The following SCGB2B2 variants were observed in gnomAD, a reference collection of about 807,000 sequenced individuals.
SCGB2B2 encodes secretoglobin family 2B member 2, also known as secretoglobin-like protein.
Under a neutral mutation model 7.6 loss-of-function variants are expected in SCGB2B2, and 11 were observed. The observed-to-expected ratio is 1.45, with a 90% CI of 0.91 to 2.40. The LOEUF (loss-of-function observed/expected upper bound fraction) is 2.40. Ranked by LOEUF, SCGB2B2 falls within the 30% of genes most tolerant of loss-of-function variation. The probability of loss-of-function intolerance (pLI) is 0.00; values close to 1 mark genes in which losing one functional copy is unlikely to be tolerated. For synonymous variants in SCGB2B2, 50 were observed against 48.6 expected, an observed-to-expected ratio of 1.03 and a Z score of -0.12; for missense variants, 104 against 115.4, an observed-to-expected ratio of 0.90 and a Z score of 0.45.
intron 1 of SCGB2B2, among the ~76,000 whole-genome samples, chr19:34,599,740 C>G (rs931064): frequency 6.6e-6 from 1 of 152,086 alleles, no homozygotes. Context: ...TTTTCCTCCC[C>G]GCCCTGTTCT....
At chr19:34,600,379 C>G (rs112259892) in intron 1 of SCGB2B2, among the ~76,000 whole-genome samples, 1 of 152,254 alleles carries the variant, frequency 6.6e-6, no homozygotes, top group South Asian at 2.1e-4. Context: ...GTCTTGTACA[C>G]GTTTATATTC....
At chr19:34,658,349 C>T (rs2067340652) in intron 1 of SCGB2B2, among the ~76,000 whole-genome samples, 1 of 152,036 alleles carries the variant, frequency 6.6e-6, no homozygotes, top group East Asian at 1.9e-4. Context: ...AGATAGACTG[C>T]TAGCAAGACT....
chr19:34,639,414 G>C (rs544517949), intron 1 of SCGB2B2, among the ~76,000 whole-genome samples: 1 of 152,030 alleles, frequency 6.6e-6, no homozygotes, highest in African/African-American at 2.4e-5. Flanking sequence ...AAACACATTC[G>C]AGTGATGCCT....
At chr19:34,642,426 G>A (rs1191527175) in intron 1 of SCGB2B2, among the ~76,000 whole-genome samples, 2 of 152,022 alleles carry the variant, frequency 1.3e-5, no homozygotes, top group Non-Finnish European at 2.9e-5. Flanking sequence ...ATTAAATGTG[G>A]GCAAAGGGGC....
At chr19:34,627,257 A>T (rs1328666148) in intron 1 of SCGB2B2, among the ~76,000 whole-genome samples, 2 of 152,226 alleles carry the variant, frequency 1.3e-5, no homozygotes, top group African/African-American at 4.8e-5. Context: ...CACACATAAC[A>T]ATATTAACCT....
intron 1 of SCGB2B2, among the ~76,000 whole-genome samples, chr19:34,661,894 T>TAA (rs1324468590): frequency 1.3e-5 from 2 of 152,152 alleles, no homozygotes; most frequent in Admixed American, 6.5e-5. Context: ...TAATTTAATT[T>TAA]TTTTGAGATG....
chr19:34,599,714 C>T (rs560570471), intron 1 of SCGB2B2, among the ~76,000 whole-genome samples: 2 of 152,100 alleles, frequency 1.3e-5, no homozygotes, highest in African/African-American at 4.8e-5. Context: ...CTCTTCCCTC[C>T]CTGTCCTCTC....
At chr19:34,655,105 T>G (rs1214815002) in intron 1 of SCGB2B2, among the ~76,000 whole-genome samples, 1 of 151,140 alleles carries the variant, frequency 6.6e-6, no homozygotes, top group East Asian at 1.9e-4. Context: ...AAACAAAAAA[T>G]AAAATTCTAA....
chr19:34,593,857 TGTGA>T (rs1377522625), intron 3 of SCGB2B2, among the ~76,000 whole-genome samples: 6 of 152,020 alleles, frequency 3.9e-5, no homozygotes, highest in African/African-American at 1.4e-4. Flanking sequence ...CAGCGTCCTG[TGTGA>T]GTGTGTGTTG....
At chr19:34,664,959 C>T (rs2067572456) in intron 1 of SCGB2B2, among the ~76,000 whole-genome samples, 1 of 152,184 alleles carries the variant, frequency 6.6e-6, no homozygotes, top group Non-Finnish European at 1.5e-5. Context: ...TCCACTGACC[C>T]CAGGGCACCT....
chr19:34,620,840 A>AAAT (rs2066222982), intron 1 of SCGB2B2, among the ~76,000 whole-genome samples: 1 of 152,194 alleles, frequency 6.6e-6, no homozygotes, highest in African/African-American at 2.4e-5. Flanking sequence ...AAAGTTACAA[A>AAAT]AATACTTGAA....
intron 1 of SCGB2B2, among the ~76,000 whole-genome samples, chr19:34,635,963 C>T (rs1476561945): frequency 6.6e-6 from 1 of 152,164 alleles, no homozygotes; most frequent in African/African-American, 2.4e-5. Flanking sequence ...CAGTTTGTGC[C>T]CGGGGTGTAT....
In SCGB2B2 at chr19:34,592,859, G is replaced by A. The variant is rs1368302979; in HGVS notation, c.*696C>T. Among the ~76,000 whole-genome samples the A allele has an allele frequency of 2.0e-5, 3 of 152,142 alleles. No homozygotes were observed. The highest frequency in any genetic ancestry group is 4.4e-5 in the Non-Finnish European group (3 of 68,016). On this transcript the variant is annotated 3_prime_UTR_variant, in exon 4 of 4. Transcript: ENST00000601241. ...GGTATTTATGGGGACGCTGAGGCTT[G>A]TGACTTAGCCAGGAGGGTGTGATTT...
intron 1 of SCGB2B2, chr19:34,632,932 A>C (rs1034185475): frequency 6.6e-6 from 1 of 152,376 alleles, no homozygotes; most frequent in Non-Finnish European, 1.5e-5. Context: ...CCACGCCAAT[A>C]TCTCTCCTGC....
intron 1 of SCGB2B2, among the ~76,000 whole-genome samples, chr19:34,662,853 C>T (rs544411458): frequency 1.3e-5 from 2 of 152,168 alleles, no homozygotes; most frequent in East Asian, 3.9e-4. Context: ...ATCGCTTGAG[C>T]TCAGGAGGTT....
At chr19:34,605,837 A>C (rs1600041945) in intron 1 of SCGB2B2, among the ~76,000 whole-genome samples, 1 of 152,050 alleles carries the variant, frequency 6.6e-6, no homozygotes, top group Non-Finnish European at 1.5e-5. Context: ...CAGGTGATCC[A>C]CCCACCTCAG....
intron 1 of SCGB2B2, among the ~76,000 whole-genome samples, chr19:34,634,535 A>C (rs747132925): frequency 3.0e-5 from 3 of 100,186 alleles, no homozygotes; most frequent in African/African-American, 4.3e-5. Context: ...CTTTTGGCTG[A>C]TTGATAGCTA....
At chr19:34,606,456 T>C (rs187697898) in intron 1 of SCGB2B2, among the ~76,000 whole-genome samples, 258 of 151,526 alleles carry the variant, frequency 1.7e-3, no homozygotes, top group Non-Finnish European at 3.3e-3. Context: ...ATTATTTGAG[T>C]AAAAAGGGAG....
intron 1 of SCGB2B2, among the ~76,000 whole-genome samples, chr19:34,608,483 A>G (rs2065839121): frequency 6.6e-6 from 1 of 150,846 alleles, no homozygotes; most frequent in African/African-American, 2.4e-5. Context: ...TCTAGTGACC[A>G]TTATTGTACA....
Sources: allele counts gnomAD v4.1 joint callset (sites outside exome capture counted in the v4.1 genomes callset), GRCh38; gene constraint gnomAD v4.1.1; transcripts MANE v1.5; gene names NCBI Gene and HGNC (gene_info 2026-07-23, HGNC 2026-07-21).